CHN2: variants seen among roughly 807,000 people sequenced by gnomAD.
The protein encoded by CHN2 is beta-chimaerin.
A neutral mutation model predicts 56.3 loss-of-function variants in CHN2; 35 were observed. The ratio of observed to expected loss-of-function variants is 0.62; its 90% confidence interval spans 0.47 to 0.82. The LOEUF is 0.82. Ranked by LOEUF, CHN2 falls within the 40% of genes least tolerant of loss-of-function variation. The pLI is 0.00. For missense variants in CHN2, 491 were observed against 580.5 expected, an observed-to-expected ratio of 0.85 and a Z score of 1.58; for synonymous variants, 210 against 212.8, an observed-to-expected ratio of 0.99 and a Z score of 0.12.
rs186309353 is a variant in CHN2, at chr7:29,340,549, C to T, written c.50-14076C>T. ...CTAACCACTGAGCCCCCAAATTAAG[C>T]AGGTTTAACTGTCCTCCAGGTGCTG... On this transcript the variant is annotated intron_variant, in intron 1 of 12. Transcript: ENST00000222792. Among the ~76,000 whole-genome samples the T allele has an allele frequency of 2.8e-4, 43 of 152,294 alleles. No individual in the cohort carries two copies. The East Asian group carries it at 7.3e-3, about 26-fold the overall frequency.
chr7:29,485,759 G>A (rs1031882306), intron 7 of CHN2, among the ~76,000 whole-genome samples: 10 of 152,144 alleles, frequency 6.6e-5, no homozygotes, highest in Non-Finnish European at 1.5e-4. Flanking sequence ...GGGCCAGATG[G>A]TGGAAAGATG....
chr7:29,264,724 G>A (rs887210404), intron 1 of CHN2, among the ~76,000 whole-genome samples: 1 of 151,882 alleles, frequency 6.6e-6, no homozygotes, highest in Non-Finnish European at 1.5e-5. Flanking sequence ...CTTTGTTCAC[G>A]TTTGTCTGCT....
intron 6 of CHN2, among the ~76,000 whole-genome samples, chr7:29,409,014 A>G (rs1481931890): frequency 1.3e-5 from 2 of 152,186 alleles, no homozygotes; most frequent in African/African-American, 4.8e-5. Flanking sequence ...GGATGTGAAA[A>G]TGTGCAAGAA....
intron 1 of CHN2, among the ~76,000 whole-genome samples, chr7:29,229,954 G>T (rs1215689494): frequency 6.6e-6 from 1 of 151,540 alleles, no homozygotes; most frequent in East Asian, 1.9e-4. Flanking sequence ...TCCAGCCTGG[G>T]AGACAGAGGG....
intron 1 of CHN2, among the ~76,000 whole-genome samples, chr7:29,267,204 G>A (rs150457524): frequency 1.3e-4 from 19 of 151,598 alleles, no homozygotes; most frequent in African/African-American, 3.9e-4. Context: ...ACAACTCAGC[G>A]CCCTCTGTAC....
At chr7:29,512,424 C>A in intron 12 of CHN2, 140 bp from the exon 13 acceptor site, 2 of 667,906 alleles carry the variant, frequency 3.0e-6, no homozygotes, top group Non-Finnish European at 4.6e-6. Context: ...CCAAAAATAC[C>A]TTTCTGCTGT....
chr7:29,500,825 T>G (rs1789884915), intron 9 of CHN2, among the ~76,000 whole-genome samples: 1 of 152,228 alleles, frequency 6.6e-6, no homozygotes, highest in Non-Finnish European at 1.5e-5. Context: ...TTAAAAGATC[T>G]ATGCAATGAA....
At chr7:29,258,839 C>A (rs554454948) in intron 1 of CHN2, among the ~76,000 whole-genome samples, 25 of 152,308 alleles carry the variant, frequency 1.6e-4, no homozygotes, top group African/African-American at 6.0e-4. Flanking sequence ...CATCATCTAA[C>A]AGAAGTACAC....
chr7:29,222,259 T>C (rs1785863389), intron 1 of CHN2, among the ~76,000 whole-genome samples: 1 of 152,202 alleles, frequency 6.6e-6, no homozygotes. Context: ...ATAGCAAGAA[T>C]CAATATCGTG....
intron 1 of CHN2, among the ~76,000 whole-genome samples, chr7:29,310,691 G>C (rs1408262325): frequency 6.6e-6 from 1 of 152,140 alleles, no homozygotes; most frequent in Non-Finnish European, 1.5e-5. Flanking sequence ...TTGGTGTCTG[G>C]TGAAAACCCA....
At chr7:29,377,941 G>C (rs540685529) in intron 3 of CHN2, among the ~76,000 whole-genome samples, 2 of 152,302 alleles carry the variant, frequency 1.3e-5, no homozygotes, top group East Asian at 3.9e-4. Context: ...AGGCATATTT[G>C]GTTGCCATCC....
chr7:29,329,762 C>T (rs986028993), intron 1 of CHN2, among the ~76,000 whole-genome samples: 9 of 152,086 alleles, frequency 5.9e-5, no homozygotes, highest in Non-Finnish European at 8.8e-5. Context: ...ATTGTTTAGT[C>T]GGCAAATCTG....
intron 6 of CHN2, 126 bp from the exon 7 acceptor site, chr7:29,480,153 G>A: frequency 6.3e-7 from 1 of 1,579,212 alleles, no homozygotes; most frequent in South Asian, 1.2e-5. Flanking sequence ...GAAAAAGTGT[G>A]CTGTGGTTCG....
At chr7:29,480,184 A>G in intron 6 of CHN2, 95 bp from the exon 7 acceptor site, 1 of 1,609,830 alleles carries the variant, frequency 6.2e-7, no homozygotes, top group Non-Finnish European at 8.5e-7. Flanking sequence ...CAGGGCAGGA[A>G]ACGCCAAGAA....
At chr7:29,188,985 C>G (rs1799056387) in intron 2 of CHN2, among the ~76,000 whole-genome samples, 1 of 139,284 alleles carries the variant, frequency 7.2e-6, no homozygotes, top group African/African-American at 2.7e-5. Context: ...ATCTCTTGCT[C>G]TGTCGCCCAA....
chr7:29,146,978 G>A (rs1301303267), intron 2 of CHN2: 6 of 1,550,714 alleles, frequency 3.9e-6, no homozygotes, highest in Non-Finnish European at 5.2e-6. Context: ...CGCACCAAGT[G>A]CCACTGTCCT....
chr7:29,321,097 C>T (rs1193561607), intron 1 of CHN2, among the ~76,000 whole-genome samples: 1 of 152,202 alleles, frequency 6.6e-6, no homozygotes, highest in Non-Finnish European at 1.5e-5. Context: ...AGATTGTTAG[C>T]AGTTCTGGTT....
At chr7:29,166,070 G>T (rs957288843) in intron 2 of CHN2, among the ~76,000 whole-genome samples, 2 of 152,084 alleles carry the variant, frequency 1.3e-5, no homozygotes, top group African/African-American at 2.4e-5. Context: ...CTCACTCTAT[G>T]CCTAGGCTGG....
intron 1 of CHN2, among the ~76,000 whole-genome samples, chr7:29,312,924 A>G (rs1268994494): frequency 1.3e-5 from 2 of 151,870 alleles, no homozygotes; most frequent in Non-Finnish European, 2.9e-5. Context: ...CATGAATGCA[A>G]AGCACTCTTT....
Sources: allele counts gnomAD v4.1 joint callset (sites outside exome capture counted in the v4.1 genomes callset), GRCh38; gene constraint gnomAD v4.1.1; transcripts MANE v1.5; gene names NCBI Gene and HGNC (gene_info 2026-07-23, HGNC 2026-07-21).